FIGLA: variants seen among roughly 807,000 people sequenced by gnomAD.
FIGLA encodes the protein factor in the germline alpha.
In FIGLA, 17 loss-of-function variants were observed where a neutral mutation model predicts 21.5. The ratio of observed to expected loss-of-function variants is 0.79; its 90% CI spans 0.54 to 1.19. The LOEUF is 1.19. Among genes scored for constraint, FIGLA ranks in the 50% most tolerant of loss-of-function variants. The probability of loss-of-function intolerance (pLI) is 0.00; values close to 1 mark genes in which losing one functional copy is unlikely to be tolerated. For synonymous variants in FIGLA, 129 were observed against 117.6 expected (o/e 1.10, Z -0.63); for missense variants, 282 against 285.0 (o/e 0.99, Z 0.08).
chr2:70,780,649 G>T (rs1164874360), intron 3 of FIGLA, among the ~76,000 whole-genome samples: 1 of 152,188 alleles, frequency 6.6e-6, no homozygotes, highest in South Asian at 2.1e-4. Context: ...AAAGATCTCA[G>T]AGATAAATGT....
In FIGLA at chr2:70,779,669, A is replaced by G. The variant is rs374066498; in HGVS notation, c.610-1998T>C. Among the ~76,000 whole-genome samples the G allele has an allele frequency of 1.1e-3, 175 of 152,238 alleles. 2 individuals carry two copies. Among genetic ancestry groups the G allele is most frequent in the African/African-American group, 4.0e-3 (166 of 41,520 alleles). On this transcript the variant is annotated intron_variant, in intron 3 of 4. Coordinates refer to ENST00000332372, the MANE Select transcript of FIGLA (RefSeq NM_001004311.3). ...CCATGACATGCCAGAGTTTGGAAAT[A>G]TATACTGGCAGCATACCAAGGCCCC...
chr2:70,785,269 C>T, intron 3 of FIGLA, 146 bp downstream of exon 3: 1 of 725,102 alleles, frequency 1.4e-6, no homozygotes, highest in Non-Finnish European at 2.2e-6. Flanking sequence ...ATCTCCCAAA[C>T]TAGTAAACCC....
chr2:70,780,486 C>T (rs1675835009), intron 3 of FIGLA, among the ~76,000 whole-genome samples: 1 of 152,146 alleles, frequency 6.6e-6, no homozygotes, highest in Admixed American at 6.5e-5. Flanking sequence ...TGAATCTTTA[C>T]GAGGATCCTT....
intron 2 of FIGLA, among the ~76,000 whole-genome samples, chr2:70,786,685 C>T (rs1553390097): frequency 6.6e-6 from 1 of 152,118 alleles, no homozygotes; most frequent in Non-Finnish European, 1.5e-5. Context: ...ATCATGCACC[C>T]TCAATCTCCT....
Position 70,790,396 on chromosome 2 carries a change from G to T in FIGLA, c.231+12C>A. 1 of 1,522,838 alleles carries T rather than the reference G, an allele frequency of 6.6e-7. No homozygotes were observed. The allele number at this position is 1,522,838 out of a possible 1,614,324, so 94.3% of individuals were successfully genotyped here. A position where few individuals can be genotyped will look rare whatever the true frequency, so the allele number is the denominator to read the frequency against. On this transcript the variant is annotated intron_variant, in intron 1 of 4. Transcript: ENST00000332372. Reference sequence around the variant, plus strand: ...AAGGGGGGAACGGACGTCGACCCTAGGGATCCCTCACCCGCTCACGCTCCT... The same window carrying T: ...AAGGGGGGAACGGACGTCGACCCTATGGATCCCTCACCCGCTCACGCTCCT...
rs782787640 is a variant in FIGLA at position 70,790,420 on chromosome 2, C to T, written c.219G>A (p.Lys73=). Residue 73 remains lysine, a synonymous_variant, in exon 1 of 5, where the codon AAG becomes AAA. Coordinates refer to ENST00000332372, the MANE Select transcript of FIGLA (RefSeq NM_001004311.3). The part of the protein sequence containing the change: ...VLERRRVANA[K]ERERIKNLNR... ...AGGGATCCCTCACCCGCTCACGCTC[C>T]TTGGCGTTGGCCACACGCCGCCGCT... 7.1e-6 allele frequency: 11 copies of T among 1,540,028 alleles called. No homozygotes were observed. The highest frequency in any genetic ancestry group is 8.7e-6 in the Non-Finnish European group (10 of 1,143,706).
chr2:70,780,904 T>TG (rs1315093060), intron 3 of FIGLA, among the ~76,000 whole-genome samples: 1 of 151,970 alleles, frequency 6.6e-6, no homozygotes, highest in Non-Finnish European at 1.5e-5. Flanking sequence ...CATATTCACA[T>TG]GGGGGGTGTG....
rs73940132 is a variant in FIGLA, at chr2:70,778,413, G to A, written c.610-742C>T. 9.1e-3 allele frequency among the ~76,000 whole-genome samples: 1,381 copies of A among 151,896 alleles called. 25 individuals carry two copies. Among genetic ancestry groups the A allele is most frequent in the African/African-American group, 0.031 (1,303 of 41,440 alleles). On this transcript the variant is annotated intron_variant, in intron 3 of 4. Coordinates refer to ENST00000332372, the MANE Select transcript of FIGLA (RefSeq NM_001004311.3). ...TAGCTTTTTTTTTCTAATCTTGATCGAGTCTTTCCACTATACAAGTGATCA... is the reference window on the plus strand; with the variant it reads ...TAGCTTTTTTTTTCTAATCTTGATCAAGTCTTTCCACTATACAAGTGATCA...
intron 3 of FIGLA, 26 bp from the exon 4 acceptor site, chr2:70,777,697 A>C: frequency 8.3e-7 from 1 of 1,198,586 alleles, no homozygotes; most frequent in Non-Finnish European, 1.2e-6. Flanking sequence ...AAAATACAGA[A>C]AGGGCTAAAC....
At chr2:70,790,340 T>A (rs573545377) in intron 1 of FIGLA, 68 bp downstream of exon 1, 621 of 1,418,458 alleles carry the variant, frequency 4.4e-4, no homozygotes, top group Non-Finnish European at 5.6e-4. Flanking sequence ...GACCCCCGGG[T>A]GTTGACCAGG....
chr2:70,789,463 C>G (rs1287759059), intron 1 of FIGLA, among the ~76,000 whole-genome samples: 4 of 152,108 alleles, frequency 2.6e-5, no homozygotes, highest in African/African-American at 9.7e-5. Context: ...CATCAAGAGT[C>G]TAGTACTGGT....
At position 70,785,623 on chromosome 2, in the gene FIGLA, T is replaced by C; in HGVS notation, c.401A>G (p.Glu134Gly). ...AGAACTGTTGTTACTATAGCTCTGCTCATCTGGGTCTTGTTTCTGGAAACC... is the reference window on the plus strand; with the variant it reads ...AGAACTGTTGTTACTATAGCTCTGCCCATCTGGGTCTTGTTTCTGGAAACC... Reference protein sequence around the residue: ...AKDSKKQDPDEQSYSNNSSES... With the variant: ...AKDSKKQDPDGQSYSNNSSES... Residue 134 changes from glutamate to glycine, a missense_variant, in exon 3 of 5, where the codon GAG becomes GGG. By Grantham distance (98) the Glu-to-Gly change is moderately conservative. Transcript: ENST00000332372. 2 of 1,613,710 alleles carry C rather than the reference T, an allele frequency of 1.2e-6. No homozygotes were observed. The highest frequency in any genetic ancestry group is 4.5e-5 in the East Asian group (2 of 44,890).
rs1304093445 is a variant in FIGLA, at chr2:70,787,759, C to T, written c.274G>A (p.Val92Met). The T allele has an allele frequency of 5.0e-6, 8 of 1,613,062 alleles. No individual in the cohort carries two copies. The African/African-American group carries it at 1.1e-4, about 22-fold the overall frequency. Residue 92 changes from valine (V) to methionine (M), a missense_variant, in exon 2 of 5, where the codon GTG (valine) becomes ATG (methionine). Physicochemically the swap from Val to Met is conservative, Grantham distance 21. Coordinates refer to ENST00000332372, the MANE Select transcript of FIGLA (RefSeq NM_001004311.3). The stretch of plus-strand genomic sequence containing the variant: ...TTCCTGCTTTGGGGAAGAAATGGCA[C>T]AAGTGCCTTCAATCTGGCAAAACCA... ...NRGFARLKAL[V>M]PFLPQSRKPS...
intron 3 of FIGLA, among the ~76,000 whole-genome samples, chr2:70,780,102 G>C (rs186648019): frequency 1.3e-5 from 2 of 152,224 alleles, no homozygotes; most frequent in East Asian, 3.9e-4. Context: ...TTCATTCCCC[G>C]AGTGAACTTC....
chr2:70,784,200 T>C (rs1675905588), intron 3 of FIGLA, among the ~76,000 whole-genome samples: 1 of 151,924 alleles, frequency 6.6e-6, no homozygotes, highest in African/African-American at 2.4e-5. Context: ...ACCACCTCTC[T>C]CCCCACCCCT....
At chr2:70,788,746 C>T (rs61351288) in intron 1 of FIGLA, among the ~76,000 whole-genome samples, 19,450 of 152,178 alleles carry the variant, frequency 0.13, 1,526 homozygotes, top group Middle Eastern at 0.24. Flanking sequence ...AAGGTGGTAA[C>T]ATTTTTGTTT....
chr2:70,786,317 T>G lies in FIGLA; in HGVS notation c.385-678A>C, dbSNP rs374324169. 7.7e-3 allele frequency among the ~76,000 whole-genome samples: 1,128 copies of G among 147,262 alleles called. 8 individuals carry two copies. The highest frequency in any genetic ancestry group is 0.025 in the African/African-American group (994 of 39,840). ...TCGGACTTCTAGGTTTTCTTTTTTT[T>G]GGGGGGGGACAGAGTCTCGCTCTGT... is the stretch of plus-strand genomic sequence containing the variant. On this transcript the variant is annotated intron_variant, in intron 2 of 4. Coordinates refer to ENST00000332372, the MANE Select transcript of FIGLA (RefSeq NM_001004311.3).
At chr2:70,786,591 A>G (rs1231333253) in intron 2 of FIGLA, among the ~76,000 whole-genome samples, 1 of 152,174 alleles carries the variant, frequency 6.6e-6, no homozygotes, top group Non-Finnish European at 1.5e-5. Flanking sequence ...GGCGTGAGCC[A>G]CCGCGCCTGG....
At position 70,785,572 on chromosome 2, in the gene FIGLA, T is replaced by C; in HGVS notation, c.452A>G (p.Gln151Arg). Residue 151 changes from glutamine to arginine, a missense_variant, in exon 3 of 5, where the codon CAG (glutamine) becomes CGG (arginine). Gln to Arg is a conservative substitution (Grantham distance 43). Transcript: ENST00000332372. ...SSESHTSSARQLSRNITQHIS... is the reference protein window; with the variant it reads ...SSESHTSSARRLSRNITQHIS... The stretch of plus-strand genomic sequence containing the variant: ...ATGTTGGGTGATGTTTCTTGACAGC[T>C]GTCTTGCCGAGGATGTATGTGATTC... 1.2e-6 allele frequency: 2 copies of C among 1,614,052 alleles called. No individual in the cohort carries two copies. The highest frequency in any genetic ancestry group is 1.7e-6 in the Non-Finnish European group (2 of 1,179,896).
Sources: allele counts gnomAD v4.1 joint callset (sites outside exome capture counted in the v4.1 genomes callset), GRCh38; gene constraint gnomAD v4.1.1; transcripts MANE v1.5; gene names NCBI Gene and HGNC (gene_info 2026-07-23, HGNC 2026-07-21).